Variants in PDZRN3 observed in about 807,000 individuals in gnomAD.
PDZRN3 encodes PDZ domain containing ring finger 3, also known as E3 ubiquitin-protein ligase PDZRN3.
In PDZRN3, 38 loss-of-function variants were observed where a neutral mutation model predicts 85.7. The ratio of observed to expected loss-of-function variants is 0.44; its 90% CI spans 0.34 to 0.58. PDZRN3 has a LOEUF of 0.58. PDZRN3 is among the 20% of genes least tolerant of loss of function. The probability of loss-of-function intolerance (pLI) is 0.01; values close to 1 mark genes in which losing one functional copy is unlikely to be tolerated. For synonymous variants in PDZRN3, 759 were observed against 638.0 expected (o/e 1.19, Z -2.86); for missense variants, 1,629 against 1,506.4 (o/e 1.08, Z -1.35).
chr3:73,431,208 C>T (rs960268140), intron 3 of PDZRN3, among the ~76,000 whole-genome samples: 1 of 152,110 alleles, frequency 6.6e-6, no homozygotes, highest in Admixed American at 6.5e-5. Flanking sequence ...CTTTAATGAC[C>T]AGGCAACTTT....
chr3:73,397,645 T>C (rs1238013410), intron 5 of PDZRN3, among the ~76,000 whole-genome samples: 2 of 152,244 alleles, frequency 1.3e-5, no homozygotes, highest in Non-Finnish European at 2.9e-5. Flanking sequence ...GGAGAGACCC[T>C]TCTGGTGAGT....
chr3:73,443,858 C>A (rs754988681), intron 3 of PDZRN3, among the ~76,000 whole-genome samples: 3 of 151,978 alleles, frequency 2.0e-5, no homozygotes, highest in Non-Finnish European at 2.9e-5. Context: ...AAAATCTAAT[C>A]CCCACTGTAA....
intron 3 of PDZRN3, among the ~76,000 whole-genome samples, chr3:73,548,965 G>T (rs891719559): frequency 1.3e-5 from 2 of 152,170 alleles, no homozygotes; most frequent in African/African-American, 4.8e-5. Flanking sequence ...AATGGCACCT[G>T]CCCCATGCAA....
intron 3 of PDZRN3, among the ~76,000 whole-genome samples, chr3:73,542,143 G>T (rs148935959): frequency 9.6e-4 from 146 of 152,176 alleles, no homozygotes; most frequent in African/African-American, 3.1e-3. Flanking sequence ...ACAACCTAAG[G>T]AAAAAAGTAC....
Position 73,607,489 on chromosome 3 carries a change from A to G in PDZRN3, c.810+1109T>C, listed in dbSNP as rs141436709. On this transcript the variant is annotated intron_variant, in intron 2 of 9. Transcript: ENST00000263666. ...AGAGTACATCAATGAGAGCAGTGCT[A>G]TGCTCTCCCAACTCATCAGTCTCTC... is the stretch of plus-strand genomic sequence containing the variant. Among the ~76,000 whole-genome samples, 28 of 152,246 alleles carry G rather than the reference A, an allele frequency of 1.8e-4. No individual in the cohort carries two copies. The East Asian group carries it at 5.0e-3, about 27-fold the overall frequency.
intron 3 of PDZRN3, among the ~76,000 whole-genome samples, chr3:73,433,231 C>T (rs182422318): frequency 5.9e-5 from 9 of 152,320 alleles, no homozygotes; most frequent in African/African-American, 1.7e-4. Flanking sequence ...CTGAAAGGAG[C>T]GCCTTATAAC....
At chr3:73,394,351 C>T (rs937035812) in intron 5 of PDZRN3, among the ~76,000 whole-genome samples, 2 of 152,128 alleles carry the variant, frequency 1.3e-5, no homozygotes, top group Non-Finnish European at 1.5e-5. Flanking sequence ...AGCAGAATGG[C>T]GTAGAGCCCA....
intron 3 of PDZRN3, among the ~76,000 whole-genome samples, chr3:73,599,271 G>A (rs1702476309): frequency 6.6e-6 from 1 of 152,224 alleles, no homozygotes; most frequent in South Asian, 2.1e-4. Context: ...TAGCCTTAAA[G>A]AGGAAGAAAA....
Position 73,624,366 on chromosome 3 carries a change from C to A in PDZRN3, c.460G>T (p.Glu154Ter). 1.5e-6 allele frequency: 2 copies of A among 1,300,686 alleles called. No individual in the cohort carries two copies. Among genetic ancestry groups the A allele is most frequent in the South Asian group, 4.6e-5 (2 of 43,280 alleles). The allele number at this position is 1,300,686 out of a possible 1,614,324, so 80.6% of individuals were successfully genotyped here. ...EGCGLPLTHGEQRAGGHCCAR... is the reference protein window; with the variant it reads ...EGCGLPLTHG ...CAGCAGTGGCCGCCCGCGCGCTGCT[C>A]GCCGTGCGTCAAGGGTAGCCCGCAG... is the stretch of plus-strand genomic sequence containing the variant. The change falls in exon 1 of 10, where the codon GAG becomes TAG. Residue 154 changes from glutamate to a stop codon, truncating the protein, a stop_gained. Coordinates refer to ENST00000263666, the MANE Select transcript of PDZRN3 (RefSeq NM_015009.3). LOFTEE classifies it high-confidence loss of function.
At chr3:73,514,931 A>C (rs1704230010) in intron 3 of PDZRN3, among the ~76,000 whole-genome samples, 1 of 152,220 alleles carries the variant, frequency 6.6e-6, no homozygotes, top group African/African-American at 2.4e-5. Flanking sequence ...CGAGTAAACA[A>C]ACTCAGCTAG....
intron 3 of PDZRN3, among the ~76,000 whole-genome samples, chr3:73,491,043 C>T (rs1456461704): frequency 6.6e-6 from 1 of 152,218 alleles, no homozygotes; most frequent in African/African-American, 2.4e-5. Flanking sequence ...TCCAGGAAAG[C>T]TCAGGGAGGC....
chr3:73,598,766 T>C (rs1008506878), intron 3 of PDZRN3, among the ~76,000 whole-genome samples: 3 of 152,000 alleles, frequency 2.0e-5, no homozygotes, highest in Non-Finnish European at 4.4e-5. Flanking sequence ...GGACATCATG[T>C]AGGCAGTCTA....
At position 73,384,278 on chromosome 3, in the gene PDZRN3, C is replaced by G; in HGVS notation, c.2288G>C (p.Ser763Thr). The G allele has an allele frequency of 6.2e-7, 1 of 1,613,042 alleles. No individual in the cohort carries two copies. Among genetic ancestry groups the G allele is most frequent in the Non-Finnish European group, 8.5e-7 (1 of 1,179,882 alleles). The change falls in exon 10 of 10, where the codon AGC becomes ACC. Residue 763 changes from serine (S) to threonine (T), a missense_variant. Coordinates refer to ENST00000263666, the MANE Select transcript of PDZRN3 (RefSeq NM_015009.3). ...CAGGGTGAGCGGGGTGCTGCGGCAG[C>G]TCTCGCCTGTGTTGTAGGCGCTCGA... ...DSSSAYNTGE[S>T]CRSTPLTLEI...
intron 3 of PDZRN3, among the ~76,000 whole-genome samples, chr3:73,598,946 G>A (rs914407569): frequency 6.6e-6 from 1 of 152,152 alleles, no homozygotes; most frequent in Admixed American, 6.5e-5. Context: ...ACAACAATAG[G>A]GGTATGTGCC....
intron 3 of PDZRN3, among the ~76,000 whole-genome samples, chr3:73,446,451 C>A (rs1038558776): frequency 6.6e-6 from 1 of 152,310 alleles, no homozygotes; most frequent in Middle Eastern, 3.4e-3. Context: ...TGAGGACTAA[C>A]AGAGTGGCCA....
chr3:73,587,795 C>T (rs966572630), intron 3 of PDZRN3, among the ~76,000 whole-genome samples: 2 of 152,232 alleles, frequency 1.3e-5, no homozygotes, highest in East Asian at 3.9e-4. Flanking sequence ...TGGGCTCTGC[C>T]ATTAAAACGA....
At chr3:73,596,803 T>C (rs1702436133) in intron 3 of PDZRN3, among the ~76,000 whole-genome samples, 1 of 152,212 alleles carries the variant, frequency 6.6e-6, no homozygotes, top group Admixed American at 6.5e-5. Flanking sequence ...GGTTTTATTT[T>C]GCTATAAAGG....
intron 3 of PDZRN3, among the ~76,000 whole-genome samples, chr3:73,515,573 C>G (rs1381277940): frequency 9.2e-5 from 14 of 152,202 alleles, no homozygotes. Flanking sequence ...GTTACAGAAT[C>G]TCTATTTCAA....
chr3:73,522,941 GT>G (rs1483730650), intron 3 of PDZRN3, among the ~76,000 whole-genome samples: 1 of 152,186 alleles, frequency 6.6e-6, no homozygotes, highest in Non-Finnish European at 1.5e-5. Context: ...TAAATGAAAA[GT>G]TATGATAGCA....
Sources: allele counts gnomAD v4.1 joint callset (sites outside exome capture counted in the v4.1 genomes callset), GRCh38; gene constraint gnomAD v4.1.1; transcripts MANE v1.5; gene names NCBI Gene and HGNC (gene_info 2026-07-23, HGNC 2026-07-21).